The following EDA variants were observed in gnomAD, a reference collection of about 807,000 sequenced individuals.
EDA encodes the protein ectodysplasin-A.
In EDA, 2 loss-of-function variants were observed where a neutral mutation model predicts 23.6. The observed-to-expected ratio is 0.08, with a 90% CI of 0.03 to 0.27. The LOEUF is 0.27. Among genes scored for constraint, EDA ranks in the 10% least tolerant of loss-of-function variants. The pLI is 1.00. For synonymous variants in EDA, 131 were observed against 132.0 expected (o/e 0.99, Z 0.05); for missense variants, 229 against 324.2 (o/e 0.71, Z 2.26).
intron 1 of EDA, among the ~76,000 whole-genome samples, chrX:69,947,565 A>G (rs942937591): frequency 6.2e-5 from 7 of 112,212 alleles, no homozygotes; most frequent in Admixed American, 2.8e-4. Context: ...CATAAAGCTC[A>G]CCATACCAAA....
chrX:69,832,531 G>T (rs1368989376), intron 1 of EDA, among the ~76,000 whole-genome samples: 2 of 111,552 alleles, frequency 1.8e-5, no homozygotes, highest in Non-Finnish European at 1.9e-5. Context: ...CTCTTTTTTG[G>T]TTCCATATGA....
intron 1 of EDA, among the ~76,000 whole-genome samples, chrX:69,640,046 T>C (rs1233078899): frequency 8.9e-6 from 1 of 111,895 alleles, no homozygotes; most frequent in East Asian, 2.8e-4. Context: ...GGTATCCTTG[T>C]TGAAAATCAA....
Position 69,642,593 on chromosome X carries a change from C to T in EDA, c.396+25889C>T, listed in dbSNP as rs1489500398. Among the ~76,000 whole-genome samples, 3 of 111,082 alleles carry T rather than the reference C, an allele frequency of 2.7e-5. No individual in the cohort carries two copies. In the Admixed American group the frequency reaches 2.9e-4, roughly 11 times the overall value. ...ATGAAGATAAACCCAGAGTAGAAAGCTTTGAATTATTATTATATCATTTAT... is the reference window on the plus strand; with the variant it reads ...ATGAAGATAAACCCAGAGTAGAAAGTTTTGAATTATTATTATATCATTTAT... On this transcript the variant is annotated intron_variant, in intron 1 of 7. Transcript: ENST00000374552.
chrX:69,730,412 C>A (rs1369244278), intron 1 of EDA, among the ~76,000 whole-genome samples: 1 of 111,794 alleles, frequency 8.9e-6, no homozygotes, highest in Non-Finnish European at 1.9e-5. Flanking sequence ...TATACACAAG[C>A]AGTGTCATTT....
At chrX:69,850,912 G>A (rs187773827) in intron 1 of EDA, among the ~76,000 whole-genome samples, 10 of 111,378 alleles carry the variant, frequency 9.0e-5, no homozygotes, top group Non-Finnish European at 1.5e-4. Flanking sequence ...CCCCATAAAG[G>A]CTCTGAACAA....
intron 1 of EDA, among the ~76,000 whole-genome samples, chrX:69,769,923 G>A (rs1234806378): frequency 9.0e-6 from 1 of 111,100 alleles, no homozygotes; most frequent in African/African-American, 3.3e-5. Flanking sequence ...GGGATTGAAA[G>A]TGTGGGATTG....
chrX:69,754,559 C>T (rs188470553), intron 1 of EDA, among the ~76,000 whole-genome samples: 30 of 110,755 alleles, frequency 2.7e-4, no homozygotes, highest in African/African-American at 5.9e-4. Flanking sequence ...TTGCTGTTCT[C>T]GAGTATCTTT....
intron 1 of EDA, among the ~76,000 whole-genome samples, chrX:69,655,573 GTC>G (rs752520901): frequency 9.4e-6 from 1 of 106,493 alleles, no homozygotes; most frequent in African/African-American, 3.5e-5. Flanking sequence ...CCTCAGTTTT[GTC>G]TGTCTTCTGT....
chrX:69,826,002 A>G (rs1373203005), intron 1 of EDA, among the ~76,000 whole-genome samples: 1 of 106,352 alleles, frequency 9.4e-6, no homozygotes, highest in Non-Finnish European at 1.9e-5. Context: ...CATGTAGTTG[A>G]GTGGTTTTGA....
chrX:69,683,682 A>T (rs1425774113), intron 1 of EDA, among the ~76,000 whole-genome samples: 1 of 110,859 alleles, frequency 9.0e-6, no homozygotes, highest in African/African-American at 3.3e-5. Flanking sequence ...ATCCCTTGTG[A>T]TGCTAGTATA....
chrX:69,810,591 A>T (rs1946367574), intron 1 of EDA, among the ~76,000 whole-genome samples: 1 of 107,444 alleles, frequency 9.3e-6, no homozygotes, highest in Admixed American at 1.0e-4. Flanking sequence ...ACCGCATTCT[A>T]CTAAAAATAC....
At chrX:69,884,040 G>A (rs1351739689) in intron 1 of EDA, among the ~76,000 whole-genome samples, 9 of 111,017 alleles carry the variant, frequency 8.1e-5, no homozygotes, top group Admixed American at 7.7e-4. Context: ...TTCCAGGCTG[G>A]GCAATAGAGC....
At chrX:69,785,936 G>A (rs895822307) in intron 1 of EDA, among the ~76,000 whole-genome samples, 2 of 110,716 alleles carry the variant, frequency 1.8e-5, no homozygotes, top group African/African-American at 3.3e-5. Flanking sequence ...GCTCTTTTTG[G>A]TTGGTAAGCT....
chrX:69,772,092 A>T (rs1393870735), intron 1 of EDA, among the ~76,000 whole-genome samples: 1 of 111,563 alleles, frequency 9.0e-6, no homozygotes, highest in Non-Finnish European at 1.9e-5. Context: ...AGCTGGGACT[A>T]TAGGCACACA....
At chrX:69,844,720 C>G (rs746918510) in intron 1 of EDA, among the ~76,000 whole-genome samples, 2 of 112,485 alleles carry the variant, frequency 1.8e-5, no homozygotes, top group African/African-American at 6.4e-5. Context: ...TCCACATCTG[C>G]TTTTGTCTCC....
chrX:69,963,211 T>C (rs1245995722), intron 2 of EDA, among the ~76,000 whole-genome samples: 1 of 112,265 alleles, frequency 8.9e-6, no homozygotes, highest in Admixed American at 9.5e-5. Flanking sequence ...GCATAGCTAC[T>C]ATTAAATTGA....
chrX:69,726,916 A>G (rs1354406285), intron 1 of EDA, among the ~76,000 whole-genome samples: 1 of 112,420 alleles, frequency 8.9e-6, no homozygotes, highest in East Asian at 2.8e-4. Flanking sequence ...AGCAGTTGCC[A>G]TCTGCAGACG....
intron 1 of EDA, among the ~76,000 whole-genome samples, chrX:69,755,503 C>T (rs1380295571): frequency 8.9e-6 from 1 of 112,200 alleles, no homozygotes; most frequent in African/African-American, 3.2e-5. Context: ...TTAGGCTACC[C>T]ATGGGTCAGG....
At chrX:70,013,168 G>A (rs752118871) in intron 2 of EDA, among the ~76,000 whole-genome samples, 1 of 111,966 alleles carries the variant, frequency 8.9e-6, no homozygotes, top group South Asian at 3.8e-4. Flanking sequence ...ATTTCTCTGG[G>A]AAAAGAAATC....
Sources: gnomAD v4.1 joint callset for allele counts (sites outside exome capture counted in the v4.1 genomes callset) on GRCh38, gnomAD v4.1.1 for gene constraint, MANE v1.5 for transcripts, NCBI Gene and HGNC (gene_info 2026-07-23, HGNC 2026-07-21) for gene names.